Variants in EYA2 observed in about 807,000 individuals in gnomAD.
EYA2 encodes the protein protein phosphatase EYA2.
Under a neutral mutation model 69.2 loss-of-function variants are expected in EYA2, and 31 were observed. The ratio of observed to expected loss-of-function variants is 0.45; its 90% CI spans 0.34 to 0.60. EYA2 has a LOEUF of 0.60. Among genes scored for constraint, EYA2 ranks in the 20% least tolerant of loss-of-function variants. EYA2 has a pLI of 0.02. For synonymous variants in EYA2, 257 were observed against 279.4 expected (o/e 0.92, Z 0.80); for missense variants, 622 against 701.2 (o/e 0.89, Z 1.28).
At chr20:47,062,970 T>G (rs376575452) in intron 5 of EYA2, among the ~76,000 whole-genome samples, 30 of 152,214 alleles carry the variant, frequency 2.0e-4, no homozygotes, top group African/African-American at 6.5e-4. Flanking sequence ...GGCCTTTCTG[T>G]GCCCTTTCTT....
At chr20:47,019,883 C>A (rs1040970904) in intron 5 of EYA2, among the ~76,000 whole-genome samples, 12 of 150,756 alleles carry the variant, frequency 8.0e-5, no homozygotes, top group Non-Finnish European at 1.6e-4. Flanking sequence ...GTAGGAGGAT[C>A]ACTTTTCAGC....
chr20:47,078,620 A>T (rs1409181866), intron 7 of EYA2, among the ~76,000 whole-genome samples: 1 of 152,240 alleles, frequency 6.6e-6, no homozygotes, highest in Non-Finnish European at 1.5e-5. Context: ...TTTGCAGATG[A>T]TTACAGGGCA....
chr20:46,945,659 T>C (rs1301382247), intron 1 of EYA2, among the ~76,000 whole-genome samples: 1 of 152,214 alleles, frequency 6.6e-6, no homozygotes, highest in Non-Finnish European at 1.5e-5. Flanking sequence ...GTTAGGGCGT[T>C]TGATGATCTT....
At chr20:46,922,390 A>T (rs1446203855) in intron 1 of EYA2, among the ~76,000 whole-genome samples, 1 of 152,190 alleles carries the variant, frequency 6.6e-6, no homozygotes. Context: ...GGAGATTCTT[A>T]GTTTTTTACT....
intron 1 of EYA2, among the ~76,000 whole-genome samples, chr20:46,931,518 A>G (rs941973688): frequency 3.9e-5 from 6 of 152,186 alleles, no homozygotes; most frequent in African/African-American, 1.4e-4. Flanking sequence ...GGAACTAATG[A>G]TTATACCTCC....
At chr20:47,048,693 C>T (rs1364947321) in intron 5 of EYA2, among the ~76,000 whole-genome samples, 4 of 152,196 alleles carry the variant, frequency 2.6e-5, no homozygotes, top group African/African-American at 9.7e-5. Context: ...GCCAAGATCA[C>T]GCCATTGCAT....
intron 9 of EYA2, among the ~76,000 whole-genome samples, chr20:47,136,741 C>CAA (rs11482117): frequency 9.9e-4 from 107 of 108,132 alleles, no homozygotes; most frequent in East Asian, 6.8e-3. Flanking sequence ...GACCCTGTCT[C>CAA]AAAAAAAAAA....
chr20:47,146,721 C>T (rs1336575662), intron 10 of EYA2, among the ~76,000 whole-genome samples: 1 of 152,186 alleles, frequency 6.6e-6, no homozygotes, highest in Non-Finnish European at 1.5e-5. Context: ...GCTCAAGGCC[C>T]GGCAAAGCCA....
chr20:47,063,052 A>T (rs770122595), intron 5 of EYA2, among the ~76,000 whole-genome samples: 3 of 152,112 alleles, frequency 2.0e-5, no homozygotes, highest in Non-Finnish European at 2.9e-5. Context: ...TTGTTTTTTA[A>T]ATTAAGGTAA....
chr20:47,177,025 T>C (rs182688445), intron 12 of EYA2, among the ~76,000 whole-genome samples: 182 of 152,300 alleles, frequency 1.2e-3, no homozygotes, highest in African/African-American at 4.1e-3. Context: ...CTCGAACTCC[T>C]GACCTCAGAT....
intron 1 of EYA2, among the ~76,000 whole-genome samples, chr20:46,920,879 A>G (rs917613391): frequency 6.6e-6 from 1 of 152,232 alleles, no homozygotes; most frequent in African/African-American, 2.4e-5. Context: ...GGCCTTGGTT[A>G]GTACGGCATC....
chr20:47,019,186 A>G (rs1600644256), intron 5 of EYA2, among the ~76,000 whole-genome samples: 2 of 151,240 alleles, frequency 1.3e-5, no homozygotes, highest in African/African-American at 4.9e-5. Flanking sequence ...CTAGGGCCCC[A>G]CCCCCCACCT....
At chr20:47,045,387 G>A (rs2029977671) in intron 5 of EYA2, among the ~76,000 whole-genome samples, 1 of 152,204 alleles carries the variant, frequency 6.6e-6, no homozygotes, top group Admixed American at 6.5e-5. Context: ...GGACTCAGAA[G>A]TCCCAGAACA....
chr20:46,982,811 T>C (rs1246606541), intron 1 of EYA2, among the ~76,000 whole-genome samples: 1 of 151,204 alleles, frequency 6.6e-6, no homozygotes, highest in Non-Finnish European at 1.5e-5. Context: ...TTTGCTTGTG[T>C]CACCCAGGCT....
At chr20:47,051,296 A>G (rs1414954077) in intron 5 of EYA2, among the ~76,000 whole-genome samples, 3 of 152,274 alleles carry the variant, frequency 2.0e-5, no homozygotes, top group Non-Finnish European at 4.4e-5. Flanking sequence ...CTGTGAAGAA[A>G]TCAGAAGTAT....
At chr20:47,111,010 C>A (rs1309650824) in intron 9 of EYA2, among the ~76,000 whole-genome samples, 1 of 152,262 alleles carries the variant, frequency 6.6e-6, no homozygotes, top group Non-Finnish European at 1.5e-5. Flanking sequence ...TACTGTCCTT[C>A]ATGGCAGTTT....
At chr20:47,046,143 A>T (rs1600667062) in intron 5 of EYA2, among the ~76,000 whole-genome samples, 2 of 152,122 alleles carry the variant, frequency 1.3e-5, no homozygotes, top group Admixed American at 1.3e-4. Flanking sequence ...ACCACTAACT[A>T]TCTTTTTGTT....
At chr20:47,183,712 A>G (rs2034582502) in intron 15 of EYA2, among the ~76,000 whole-genome samples, 1 of 152,118 alleles carries the variant, frequency 6.6e-6, no homozygotes, top group Non-Finnish European at 1.5e-5. Context: ...TTTATTTAAT[A>G]CTTACTGATC....
At chr20:47,081,241 A>G (rs2031701774) in intron 7 of EYA2, among the ~76,000 whole-genome samples, 1 of 152,112 alleles carries the variant, frequency 6.6e-6, no homozygotes, top group Non-Finnish European at 1.5e-5. Context: ...ACAATTCAAG[A>G]TGAGATTTGA....
Sources: allele counts gnomAD v4.1 joint callset (sites outside exome capture counted in the v4.1 genomes callset), GRCh38; gene constraint gnomAD v4.1.1; transcripts MANE v1.5; gene names NCBI Gene and HGNC (gene_info 2026-07-23, HGNC 2026-07-21).